Variants in HS3ST4 observed in about 807,000 individuals in gnomAD.
HS3ST4 encodes heparan sulfate-glucosamine 3-sulfotransferase 4.
HS3ST4 carries 17 observed loss-of-function variants against 29.2 expected under a neutral mutation model. That is an observed-to-expected ratio of 0.58 (90% confidence interval 0.40 to 0.87). HS3ST4 has a LOEUF of 0.87. Among genes scored for constraint, HS3ST4 ranks in the 40% least tolerant of loss-of-function variants. The probability of loss-of-function intolerance (pLI) is 0.00; values close to 1 mark genes in which losing one functional copy is unlikely to be tolerated. For missense variants in HS3ST4, 627 were observed against 634.5 expected (o/e 0.99, Z 0.13); for synonymous variants, 314 against 285.7 (o/e 1.10, Z -1.00).
At chr16:25,693,781 T>G (rs1367925598) in intron 1 of HS3ST4, among the ~76,000 whole-genome samples, 2 of 152,164 alleles carry the variant, frequency 1.3e-5, no homozygotes, top group African/African-American at 2.4e-5. Context: ...GAAGCCTCAA[T>G]GTCTGCATGA....
rs996568648 is a variant in HS3ST4, at chr16:25,785,265, T to G, written c.734+92114T>G. Among the ~76,000 whole-genome samples the G allele has an allele frequency of 2.0e-5, 3 of 152,364 alleles. No individual in the cohort carries two copies. The South Asian group carries it at 6.2e-4, about 32-fold the overall frequency. On this transcript the variant is annotated intron_variant, in intron 1 of 1. Coordinates refer to ENST00000331351, the MANE Select transcript of HS3ST4 (RefSeq NM_006040.3). Reference sequence around the variant, plus strand: ...ATGTGTGTTAACACAATATCCCTTTTGCAGCCCATGGATAGAGGAGTAATT... The same window carrying G: ...ATGTGTGTTAACACAATATCCCTTTGGCAGCCCATGGATAGAGGAGTAATT...
At chr16:25,850,844 CAG>C (rs1967513385) in intron 1 of HS3ST4, among the ~76,000 whole-genome samples, 1 of 152,118 alleles carries the variant, frequency 6.6e-6, no homozygotes, top group Non-Finnish European at 1.5e-5. Flanking sequence ...AAGGAGGGAA[CAG>C]GGAGTATGGT....
intron 1 of HS3ST4, among the ~76,000 whole-genome samples, chr16:25,726,888 T>G (rs1467843733): frequency 6.6e-6 from 1 of 152,176 alleles, no homozygotes; most frequent in Non-Finnish European, 1.5e-5. Context: ...AAATGCATAC[T>G]TTAAGAATTT....
intron 1 of HS3ST4, among the ~76,000 whole-genome samples, chr16:25,710,134 G>A (rs925365092): frequency 2.6e-5 from 4 of 151,328 alleles, no homozygotes; most frequent in African/African-American, 9.8e-5. Flanking sequence ...TTCTGCTTCT[G>A]TAAGACGTTT....
intron 1 of HS3ST4, among the ~76,000 whole-genome samples, chr16:25,845,858 G>A (rs977976585): frequency 3.2e-4 from 48 of 151,662 alleles, no homozygotes; most frequent in African/African-American, 1.1e-3. Flanking sequence ...ACATTTATTT[G>A]TTCCTCTTTT....
intron 1 of HS3ST4, among the ~76,000 whole-genome samples, chr16:25,796,523 T>C (rs1966886756): frequency 1.3e-5 from 2 of 152,354 alleles, no homozygotes; most frequent in South Asian, 4.1e-4. Flanking sequence ...CAGTTCATTG[T>C]TGCCACTGAG....
At chr16:25,745,100 T>C (rs367797853) in intron 1 of HS3ST4, among the ~76,000 whole-genome samples, 1 of 152,250 alleles carries the variant, frequency 6.6e-6, no homozygotes, top group East Asian at 1.9e-4. Context: ...GACTTAGTCA[T>C]ATTGGCCAGG....
At chr16:25,973,790 A>C (rs1045933697) in intron 1 of HS3ST4, among the ~76,000 whole-genome samples, 4 of 152,146 alleles carry the variant, frequency 2.6e-5, no homozygotes, top group African/African-American at 9.7e-5. Flanking sequence ...TCTTACCCCT[A>C]TTGTATAGGT....
intron 1 of HS3ST4, among the ~76,000 whole-genome samples, chr16:26,107,261 A>G (rs1567313650): frequency 6.6e-6 from 1 of 151,978 alleles, no homozygotes; most frequent in Non-Finnish European, 1.5e-5. Context: ...ACACACACAC[A>G]CACATATATA....
intron 1 of HS3ST4, among the ~76,000 whole-genome samples, chr16:25,919,529 A>T (rs1968326055): frequency 6.6e-6 from 1 of 152,178 alleles, no homozygotes; most frequent in Admixed American, 6.5e-5. Context: ...AGTCACTGGC[A>T]ATAGCTGGTA....
intron 1 of HS3ST4, among the ~76,000 whole-genome samples, chr16:25,938,715 A>G (rs1011785654): frequency 3.3e-5 from 5 of 152,006 alleles, no homozygotes; most frequent in African/African-American, 1.2e-4. Context: ...TCCTGCCTCC[A>G]TTTTCCATGT....
At chr16:26,127,830 G>A (rs1015444818) in intron 1 of HS3ST4, among the ~76,000 whole-genome samples, 2 of 152,142 alleles carry the variant, frequency 1.3e-5, no homozygotes, top group African/African-American at 2.4e-5. Context: ...TAAAACATAT[G>A]TACCTGCCTG....
At chr16:26,027,218 A>T (rs1969485331) in intron 1 of HS3ST4, among the ~76,000 whole-genome samples, 1 of 152,256 alleles carries the variant, frequency 6.6e-6, no homozygotes, top group Non-Finnish European at 1.5e-5. Flanking sequence ...AGGAAACTAC[A>T]GATAGTTCCA....
rs1045992111 is a variant in HS3ST4 at position 25,715,150 on chromosome 16, G to A, written c.734+21999G>A. 4.0e-5 allele frequency among the ~76,000 whole-genome samples: 6 copies of A among 151,628 alleles called. 1 individual carries two copies. In the East Asian group the frequency reaches 7.7e-4, roughly 20 times the overall value. Reference sequence around the variant, plus strand: ...ATCCTGGCTAACAAGGTGAAACCCCGTCTCTACTAAAAATACAAAAAATTA... The same window carrying A: ...ATCCTGGCTAACAAGGTGAAACCCCATCTCTACTAAAAATACAAAAAATTA... On this transcript the variant is annotated intron_variant, in intron 1 of 1. Coordinates refer to ENST00000331351, the MANE Select transcript of HS3ST4 (RefSeq NM_006040.3).
At chr16:26,042,224 A>G (rs1969641883) in intron 1 of HS3ST4, among the ~76,000 whole-genome samples, 1 of 152,250 alleles carries the variant, frequency 6.6e-6, no homozygotes. Context: ...GACAGAGAAG[A>G]AAGAAAGCTA....
At position 26,136,409 on chromosome 16, in the gene HS3ST4, A is replaced by G; in HGVS notation, c.*161A>G. 1.5e-6 allele frequency: 1 copy of G among 688,346 alleles called. No homozygotes were observed. The highest frequency in any genetic ancestry group is 2.4e-6 in the Non-Finnish European group (1 of 418,346). The allele number at this position is 688,346 out of a possible 1,614,324, so 42.6% of individuals were successfully genotyped here. The stretch of plus-strand genomic sequence containing the variant: ...CCTCCAGTGCTGTTAGCTTAGGCAA[A>G]CAGGTGGATCCCATGGCATCCCCAT... On this transcript the variant is annotated 3_prime_UTR_variant, in exon 2 of 2. Coordinates refer to ENST00000331351, the MANE Select transcript of HS3ST4 (RefSeq NM_006040.3).
At chr16:26,051,957 C>T (rs1383739617) in intron 1 of HS3ST4, among the ~76,000 whole-genome samples, 2 of 138,340 alleles carry the variant, frequency 1.4e-5, no homozygotes, top group Non-Finnish European at 3.1e-5. Flanking sequence ...TTCCTTCCTT[C>T]CTTCCTCTTC....
intron 1 of HS3ST4, among the ~76,000 whole-genome samples, chr16:26,063,669 C>T (rs1173293140): frequency 2.6e-5 from 4 of 152,040 alleles, no homozygotes; most frequent in African/African-American, 9.7e-5. Flanking sequence ...GCACTCCAGC[C>T]TGGATGACAG....
intron 1 of HS3ST4, among the ~76,000 whole-genome samples, chr16:25,830,280 C>T (rs557939669): frequency 6.6e-5 from 10 of 152,334 alleles, no homozygotes; most frequent in East Asian, 1.9e-4. Context: ...GCACGTTTCA[C>T]GATGCCACAT....
Sources: gnomAD v4.1 joint callset for allele counts (sites outside exome capture counted in the v4.1 genomes callset) on GRCh38, gnomAD v4.1.1 for gene constraint, MANE v1.5 for transcripts, NCBI Gene and HGNC (gene_info 2026-07-23, HGNC 2026-07-21) for gene names.